Variants in DGKI observed in about 807,000 individuals in gnomAD.
DGKI encodes diacylglycerol kinase iota.
DGKI carries 55 observed loss-of-function variants against 147.5 expected under a neutral mutation model. The ratio of observed to expected loss-of-function variants is 0.37; its 90% CI spans 0.30 to 0.47. DGKI has a LOEUF of 0.47. DGKI is among the 20% of genes least tolerant of loss of function. DGKI has a pLI of 1.00. For synonymous variants in DGKI, 469 were observed against 477.1 expected (o/e 0.98, Z 0.22); for missense variants, 1,007 against 1,323.8 (o/e 0.76, Z 3.71).
At chr7:137,524,980 C>T (rs747025726) in intron 20 of DGKI, among the ~76,000 whole-genome samples, 6 of 152,150 alleles carry the variant, frequency 3.9e-5, no homozygotes, top group Admixed American at 2.6e-4. Context: ...TGGCTGCTCC[C>T]TGTGCCATGT....
At chr7:137,810,004 GTTC>G (rs1234224763) in intron 1 of DGKI, among the ~76,000 whole-genome samples, 3 of 152,218 alleles carry the variant, frequency 2.0e-5, no homozygotes, top group Non-Finnish European at 4.4e-5. Flanking sequence ...GGAGTAAGAG[GTTC>G]TTCTGCTTTC....
At chr7:137,454,467 G>A (rs954741909) in intron 27 of DGKI, among the ~76,000 whole-genome samples, 2 of 152,124 alleles carry the variant, frequency 1.3e-5, no homozygotes, top group South Asian at 2.1e-4. Context: ...AAGAATGGGC[G>A]ACAGTGGACA....
chr7:137,619,387 T>C (rs905790035), intron 8 of DGKI, among the ~76,000 whole-genome samples: 1 of 152,232 alleles, frequency 6.6e-6, no homozygotes, highest in African/African-American at 2.4e-5. Flanking sequence ...ATTCATGGTC[T>C]GCCTTCCAGG....
Position 137,399,506 on chromosome 7 carries a change from A to T in DGKI, c.2921-2093T>A, listed in dbSNP as rs76145613. Reference sequence around the variant, plus strand: ...CTGTCCCTTCTTGGTTAAAAATCCCAGCTCTATATAGACTAGGTCTTGGCC... The same window carrying T: ...CTGTCCCTTCTTGGTTAAAAATCCCTGCTCTATATAGACTAGGTCTTGGCC... On this transcript the variant is annotated intron_variant, in intron 30 of 32. Transcript: ENST00000614521. Among the ~76,000 whole-genome samples, 516 of 152,246 alleles carry T rather than the reference A, an allele frequency of 3.4e-3. 1 individual carries two copies. Among genetic ancestry groups the T allele is most frequent in the African/African-American group, 0.012 (499 of 41,540 alleles).
chr7:137,841,834 G>A (rs962112012), intron 1 of DGKI, among the ~76,000 whole-genome samples: 7 of 152,158 alleles, frequency 4.6e-5, no homozygotes, highest in Admixed American at 2.0e-4. Flanking sequence ...GGCCCCATGA[G>A]GCAATGCTGT....
intron 1 of DGKI, chr7:137,722,059 G>A: frequency 3.1e-6 from 5 of 1,596,798 alleles, no homozygotes; most frequent in Non-Finnish European, 4.2e-6. Flanking sequence ...TGATGCTGGT[G>A]GCAAGGTGAA....
chr7:137,397,505 G>T, intron 30 of DGKI, 92 bp from the exon 31 acceptor site: 1 of 1,286,048 alleles, frequency 7.8e-7, no homozygotes, highest in Non-Finnish European at 1.1e-6. Flanking sequence ...AAAATGCCTT[G>T]GAAAGCTAAA....
intron 1 of DGKI, among the ~76,000 whole-genome samples, chr7:137,734,973 G>GA (rs1371871305): frequency 1.3e-5 from 2 of 151,988 alleles, no homozygotes; most frequent in Non-Finnish European, 2.9e-5. Flanking sequence ...CTATATAATT[G>GA]AAAAATCTTC....
chr7:137,551,508 G>A (rs963227673), intron 20 of DGKI, among the ~76,000 whole-genome samples: 1 of 152,160 alleles, frequency 6.6e-6, no homozygotes, highest in Non-Finnish European at 1.5e-5. Flanking sequence ...CCCTCACTGT[G>A]ATAGAGAATG....
At chr7:137,719,289 G>T (rs1794475226) in intron 1 of DGKI, among the ~76,000 whole-genome samples, 1 of 152,034 alleles carries the variant, frequency 6.6e-6, no homozygotes, top group Non-Finnish European at 1.5e-5. Context: ...CAGCAGCCAA[G>T]AATTAGTTGC....
chr7:137,627,721 A>G (rs1475747856), intron 6 of DGKI, among the ~76,000 whole-genome samples: 1 of 152,248 alleles, frequency 6.6e-6, no homozygotes, highest in Non-Finnish European at 1.5e-5. Context: ...TTTTAAATGT[A>G]TCATTATTAA....
intron 1 of DGKI, among the ~76,000 whole-genome samples, chr7:137,774,264 G>C (rs1388720877): frequency 1.3e-5 from 2 of 151,904 alleles, no homozygotes; most frequent in East Asian, 3.9e-4. Flanking sequence ...TGTTGGAAAA[G>C]GGGCAATTCA....
At chr7:137,412,601 A>C (rs973486750) in intron 28 of DGKI, among the ~76,000 whole-genome samples, 7 of 152,200 alleles carry the variant, frequency 4.6e-5, no homozygotes, top group African/African-American at 1.7e-4. Context: ...AGTCCTATGA[A>C]TGTTCCTAAC....
chr7:137,520,390 C>T (rs1197814374), intron 21 of DGKI, among the ~76,000 whole-genome samples: 1 of 152,090 alleles, frequency 6.6e-6, no homozygotes, highest in East Asian at 1.9e-4. Context: ...TGTAGCTACA[C>T]TTCCCATCGC....
intron 1 of DGKI, among the ~76,000 whole-genome samples, chr7:137,694,685 G>T (rs1422690471): frequency 1.3e-5 from 2 of 152,216 alleles, no homozygotes; most frequent in East Asian, 3.8e-4. Flanking sequence ...GATTCCCCAA[G>T]AGAGTTCTTA....
chr7:137,474,867 G>A (rs879225248), intron 23 of DGKI, among the ~76,000 whole-genome samples: 3 of 152,148 alleles, frequency 2.0e-5, no homozygotes, highest in Admixed American at 6.5e-5. Flanking sequence ...CCCGCTACTC[G>A]CTGTGAGAGT....
chr7:137,608,107 T>G (rs558193520), intron 10 of DGKI, among the ~76,000 whole-genome samples: 2 of 152,318 alleles, frequency 1.3e-5, no homozygotes, highest in East Asian at 3.9e-4. Context: ...TTTATACAAC[T>G]TACCTTCCTT....
intron 1 of DGKI, among the ~76,000 whole-genome samples, chr7:137,811,716 C>T (rs1163987652): frequency 6.6e-6 from 1 of 152,190 alleles, no homozygotes; most frequent in African/African-American, 2.4e-5. Context: ...GATAATTGAG[C>T]TCTGATTCCA....
chr7:137,720,184 T>C (rs1794502711), intron 1 of DGKI, among the ~76,000 whole-genome samples: 1 of 150,156 alleles, frequency 6.7e-6, no homozygotes, highest in Non-Finnish European at 1.5e-5. Flanking sequence ...CATGAGCAAC[T>C]AATATTATAA....
Sources: gnomAD v4.1 joint callset for allele counts (sites outside exome capture counted in the v4.1 genomes callset) on GRCh38, gnomAD v4.1.1 for gene constraint, MANE v1.5 for transcripts, NCBI Gene and HGNC (gene_info 2026-07-23, HGNC 2026-07-21) for gene names.